The following CCL28 variants were observed in gnomAD, a reference collection of about 807,000 sequenced individuals.
The protein encoded by CCL28 is C-C motif chemokine ligand 28, also known as C-C motif chemokine 28.
A neutral mutation model predicts 7.1 loss-of-function variants in CCL28; 4 were observed. That is an observed-to-expected ratio of 0.56 (90% confidence interval 0.28 to 1.29). The LOEUF (loss-of-function observed/expected upper bound fraction) is 1.29, where lower values mean the gene tolerates loss of function less well. Among genes scored for constraint, CCL28 ranks in the 50% most tolerant of loss-of-function variants. CCL28 has a pLI of 0.11. For synonymous variants in CCL28, 55 were observed against 57.8 expected (o/e 0.95, Z 0.22); for missense variants, 151 against 163.4 (o/e 0.92, Z 0.41).
chr5:43,404,871 A>G (rs1184146699), intron 1 of CCL28, among the ~76,000 whole-genome samples: 1 of 152,206 alleles, frequency 6.6e-6, no homozygotes, highest in Non-Finnish European at 1.5e-5. Flanking sequence ...AGTCTCTGAT[A>G]AGACAGACTT....
chr5:43,377,761 C>T (rs1302320103), downstream of CCL28, among the ~76,000 whole-genome samples: 5 of 78,706 alleles, frequency 6.4e-5, no homozygotes, highest in African/African-American at 2.3e-4. Context: ...GAGACGGAGT[C>T]TCGCTCTGTC....
At chr5:43,369,248 G>GA in the CCL28 span, among the ~76,000 whole-genome samples, 27 of 152,042 alleles carry the variant, frequency 1.8e-4, no homozygotes, top group African/African-American at 6.3e-4. Context: ...GGATGATTGG[G>GA]AACCATTTTA....
the CCL28 span, among the ~76,000 whole-genome samples, chr5:43,367,852 G>C: frequency 6.6e-6 from 1 of 152,200 alleles, no homozygotes; most frequent in Non-Finnish European, 1.5e-5. Flanking sequence ...TTTTATATAG[G>C]AATTCTGATT....
At chr5:43,387,268 T>C (rs1740378441) in intron 2 of CCL28, among the ~76,000 whole-genome samples, 1 of 152,238 alleles carries the variant, frequency 6.6e-6, no homozygotes, top group African/African-American at 2.4e-5. Context: ...GTTTCTGCAA[T>C]TCACGAGCTG....
At chr5:43,389,896 A>C (rs138823271) in intron 1 of CCL28, among the ~76,000 whole-genome samples, 47 of 152,350 alleles carry the variant, frequency 3.1e-4, no homozygotes, top group Middle Eastern at 3.4e-3. Flanking sequence ...TGGAGAATGT[A>C]AACTGGGTAG....
At chr5:43,412,002 C>A (rs1309405155) in intron 1 of CCL28, among the ~76,000 whole-genome samples, 1 of 152,214 alleles carries the variant, frequency 6.6e-6, no homozygotes, top group African/African-American at 2.4e-5. Context: ...GAAGTTGTAC[C>A]TACATGGAAG....
At chr5:43,364,910 G>C in the CCL28 span, among the ~76,000 whole-genome samples, 1 of 151,692 alleles carries the variant, frequency 6.6e-6, no homozygotes, top group African/African-American at 2.4e-5. Flanking sequence ...CAATTTGCTT[G>C]GTAAATATTC....
intron 1 of CCL28, 71 bp downstream of exon 1, chr5:43,412,182 T>A: frequency 2.4e-6 from 3 of 1,248,498 alleles, no homozygotes; most frequent in Non-Finnish European, 3.3e-6. Flanking sequence ...CCCACCTCAA[T>A]CCTTCCAGCA....
chr5:43,378,058 G>A (rs1278926684), downstream of CCL28, among the ~76,000 whole-genome samples: 1 of 152,134 alleles, frequency 6.6e-6, no homozygotes, highest in Non-Finnish European at 1.5e-5. Context: ...AAAGGATTAA[G>A]AAAGCTAGGT....
chr5:43,377,683 T>C (rs1739934539), downstream of CCL28, among the ~76,000 whole-genome samples: 1 of 140,662 alleles, frequency 7.1e-6, no homozygotes, highest in Non-Finnish European at 1.5e-5. Context: ...AAGCGTTTCA[T>C]TTGAAATCAC....
At position 43,412,307 on chromosome 5, in the gene CCL28, T is replaced by A. The variant is rs936006138; in HGVS notation, c.10A>T (p.Arg4Ter). Residue 4 changes from arginine to a stop codon, truncating the protein, a stop_gained, in exon 1 of 3, where the codon AGA becomes TGA. Transcript: ENST00000361115. LOFTEE classifies it high-confidence loss of function. ...GCCAAGGCCACGATGGCGAGTCCTC[T>A]CTGCTGCATTCCTGCCTGCCCTACT... The part of the protein sequence containing the change: MQQ[R>*]GLAIVALAVC... 1.9e-6 allele frequency: 3 copies of A among 1,612,764 alleles called. No individual in the cohort carries two copies. In the South Asian group the frequency reaches 3.3e-5, roughly 18 times the overall value.
intron 2 of CCL28, among the ~76,000 whole-genome samples, chr5:43,385,764 T>A (rs936305464): frequency 6.6e-6 from 1 of 152,220 alleles, no homozygotes; most frequent in Non-Finnish European, 1.5e-5. Flanking sequence ...AAGTAAATAT[T>A]TTTAGATCCA....
the CCL28 span, among the ~76,000 whole-genome samples, chr5:43,370,149 C>T: frequency 2.4e-3 from 371 of 152,312 alleles, 5 homozygotes; most frequent in African/African-American, 8.6e-3. Context: ...TAAGAACTGT[C>T]CAACTGAGCC....
downstream of CCL28, among the ~76,000 whole-genome samples, chr5:43,372,727 G>A (rs1281290557): frequency 4.7e-5 from 7 of 150,522 alleles, no homozygotes; most frequent in Admixed American, 6.6e-5. Context: ...TACTGTTGAT[G>A]GACACTTAGG....
downstream of CCL28, among the ~76,000 whole-genome samples, chr5:43,379,002 C>T (rs1210877110): frequency 3.3e-5 from 5 of 152,126 alleles, no homozygotes; most frequent in East Asian, 1.9e-4. Flanking sequence ...AATCTGGTTT[C>T]CCAGGCACAC....
At position 43,388,418 on chromosome 5, in the gene CCL28, C is replaced by CAT; in HGVS notation, c.122_123insAT (p.Leu42CysfsTer6). ...GACACATATTCACTCTTTCCAGGAG[C>CAT]CTTCTGGAAATATGATGTGAAACCT... is the stretch of plus-strand genomic sequence containing the variant. On this transcript the variant is annotated frameshift_variant, in exon 2 of 3. Coordinates refer to ENST00000361115, the MANE Select transcript of CCL28 (RefSeq NM_148672.3). LOFTEE classifies it high-confidence loss of function. The CAT allele has an allele frequency of 6.2e-7, 1 of 1,613,910 alleles. No individual in the cohort carries two copies. The highest frequency in any genetic ancestry group is 8.5e-7 in the Non-Finnish European group (1 of 1,179,836).
At chr5:43,399,076 T>G (rs2111847765) in intron 1 of CCL28, among the ~76,000 whole-genome samples, 1 of 152,320 alleles carries the variant, frequency 6.6e-6, no homozygotes, top group Non-Finnish European at 1.5e-5. Flanking sequence ...CACTTGGATA[T>G]CCCACAGGCA....
downstream of CCL28, among the ~76,000 whole-genome samples, chr5:43,374,369 A>G (rs572917535): frequency 1.3e-5 from 2 of 152,354 alleles, no homozygotes; most frequent in South Asian, 4.1e-4. Flanking sequence ...ACCCACATTT[A>G]CCAGAGGGAA....
chr5:43,382,697 T>A (rs1740169534), intron 2 of CCL28, among the ~76,000 whole-genome samples: 1 of 152,100 alleles, frequency 6.6e-6, no homozygotes, highest in African/African-American at 2.4e-5. Context: ...AAACTTAAAC[T>A]TAATTTAAAA....
Sources: gnomAD v4.1 joint callset for allele counts (sites outside exome capture counted in the v4.1 genomes callset) on GRCh38, gnomAD v4.1.1 for gene constraint, MANE v1.5 for transcripts, NCBI Gene and HGNC (gene_info 2026-07-23, HGNC 2026-07-21) for gene names.